The following SH2D4B variants were observed in gnomAD, a reference collection of about 807,000 sequenced individuals.
The protein encoded by SH2D4B is SH2 domain containing 4B.
Under a neutral mutation model 61.5 loss-of-function variants are expected in SH2D4B, and 45 were observed. That is an observed-to-expected ratio of 0.73 (90% confidence interval 0.58 to 0.94). The LOEUF (loss-of-function observed/expected upper bound fraction) is 0.94, where lower values mean the gene tolerates loss of function less well. Among genes scored for constraint, SH2D4B ranks in the 40% least tolerant of loss-of-function variants. The pLI is 0.00. For missense variants in SH2D4B, 572 were observed against 574.2 expected (o/e 1.00, Z 0.04); for synonymous variants, 224 against 220.4 (o/e 1.02, Z -0.14).
chr10:80,613,402 C>T (rs979001702), intron 6 of SH2D4B, among the ~76,000 whole-genome samples: 1 of 152,250 alleles, frequency 6.6e-6, no homozygotes, highest in Admixed American at 6.5e-5. Context: ...ACCCATTTCT[C>T]TTCCTGAGCT....
intron 3 of SH2D4B, among the ~76,000 whole-genome samples, chr10:80,583,875 G>A (rs1235409329): frequency 6.6e-6 from 1 of 152,124 alleles, no homozygotes; most frequent in Non-Finnish European, 1.5e-5. Flanking sequence ...CCCCCAAGTG[G>A]CCAACACAAT....
intron 4 of SH2D4B, among the ~76,000 whole-genome samples, chr10:80,599,339 T>C (rs557505056): frequency 6.6e-6 from 1 of 152,218 alleles, no homozygotes; most frequent in South Asian, 2.1e-4. Context: ...GTGCAGTTTC[T>C]CCTTGGACAT....
At chr10:80,622,346 T>C (rs17093759) in intron 6 of SH2D4B, among the ~76,000 whole-genome samples, 52,381 of 152,096 alleles carry the variant, frequency 0.34, 10,160 homozygotes, top group African/African-American at 0.52. Context: ...ATGATGATGT[T>C]ATATGTGATT....
chr10:80,609,309 C>T, intron 5 of SH2D4B, 115 bp from the exon 6 acceptor site: 1 of 1,071,648 alleles, frequency 9.3e-7, no homozygotes, highest in Non-Finnish European at 1.3e-6. Context: ...CCCCCCCTTC[C>T]TCCTCCTCCT....
At chr10:80,609,574 T>C in intron 6 of SH2D4B, 23 bp downstream of exon 6, 1 of 1,613,300 alleles carries the variant, frequency 6.2e-7, no homozygotes, top group African/African-American at 1.3e-5. Flanking sequence ...TTCTGGGCCC[T>C]GTGCCAGATG....
At position 80,591,230 on chromosome 10, in the gene SH2D4B, A is replaced by G. The variant is rs150307322; in HGVS notation, c.643+2453A>G. On this transcript the variant is annotated intron_variant, in intron 4 of 7. Transcript: ENST00000646907. The stretch of plus-strand genomic sequence containing the variant: ...TTTATGTACACGTTTTTGTGTGAAC[A>G]TATATTTTCAATTCTCTTGAGTATT... Among the ~76,000 whole-genome samples the G allele has an allele frequency of 8.2e-3, 1,242 of 152,236 alleles. 14 individuals are homozygous for G. The highest frequency in any genetic ancestry group is 0.026 in the African/African-American group (1,091 of 41,544).
intron 1 of SH2D4B, among the ~76,000 whole-genome samples, chr10:80,543,307 G>A (rs964147777): frequency 2.6e-5 from 4 of 152,086 alleles, no homozygotes; most frequent in East Asian, 1.9e-4. Flanking sequence ...CGCGAGTTCC[G>A]GGGGGCGTGG....
At chr10:80,629,036 A>AAAAAAAAAAAAAGAAAAAAAAAAAG (rs142895629) in intron 6 of SH2D4B, among the ~76,000 whole-genome samples, 1 of 144,878 alleles carries the variant, frequency 6.9e-6, no homozygotes, top group African/African-American at 2.7e-5. Context: ...TCTCAAAAAA[A>AAAAAAAAAAAAAGAAAAAAAAAAAG]AAAAAGAAAA....
intron 7 of SH2D4B, among the ~76,000 whole-genome samples, chr10:80,635,983 G>A (rs1179856161): frequency 6.6e-6 from 1 of 152,126 alleles, no homozygotes; most frequent in Non-Finnish European, 1.5e-5. Flanking sequence ...AGTGTCTGAT[G>A]TTCCCTGCCC....
intron 4 of SH2D4B, among the ~76,000 whole-genome samples, chr10:80,599,778 A>G (rs12569832): frequency 0.2 from 29,723 of 151,964 alleles, 3,204 homozygotes; most frequent in Non-Finnish European, 0.25. Context: ...CCACCAAGGG[A>G]CCATGGCTCC....
chr10:80,595,314 T>C (rs1842373340), intron 4 of SH2D4B, among the ~76,000 whole-genome samples: 1 of 152,208 alleles, frequency 6.6e-6, no homozygotes, highest in African/African-American at 2.4e-5. Context: ...AGGGACTTAC[T>C]GTTGTATTTA....
chr10:80,540,395 C>T (rs1044718249), intron 1 of SH2D4B, among the ~76,000 whole-genome samples: 2 of 152,074 alleles, frequency 1.3e-5, no homozygotes, highest in African/African-American at 2.4e-5. Context: ...GTCCTGGGGT[C>T]GTGATGAAGG....
intron 7 of SH2D4B, among the ~76,000 whole-genome samples, chr10:80,638,514 G>C (rs1163407060): frequency 1.3e-5 from 2 of 152,238 alleles, no homozygotes; most frequent in South Asian, 4.2e-4. Context: ...TTTAGTCTTG[G>C]GAGGGTGTAT....
chr10:80,640,378 A>C (rs900344765), intron 7 of SH2D4B, among the ~76,000 whole-genome samples: 2 of 152,178 alleles, frequency 1.3e-5, no homozygotes, highest in Admixed American at 6.5e-5. Context: ...TATCCTGAAG[A>C]GTGTTTTCCA....
intron 1 of SH2D4B, among the ~76,000 whole-genome samples, chr10:80,560,344 T>A (rs1231233342): frequency 6.6e-6 from 1 of 151,874 alleles, no homozygotes; most frequent in Non-Finnish European, 1.5e-5. Flanking sequence ...TTTCAATTCA[T>A]GTATAGGAAT....
At chr10:80,588,871 G>C (rs544553692) in intron 4 of SH2D4B, 94 bp downstream of exon 4, 1 of 1,464,158 alleles carries the variant, frequency 6.8e-7, no homozygotes, top group African/African-American at 1.4e-5. Context: ...ATTTCCATTC[G>C]CTCACTCACC....
chr10:80,609,632 G>A, intron 6 of SH2D4B, 81 bp downstream of exon 6: 1 of 1,599,342 alleles, frequency 6.3e-7, no homozygotes, highest in Non-Finnish European at 8.5e-7. Flanking sequence ...GGTGCTGAAG[G>A]ACAGTTATAA....
At chr10:80,571,304 T>C (rs1413297612) in intron 2 of SH2D4B, 127 bp from the exon 3 acceptor site, 2 of 1,081,624 alleles carry the variant, frequency 1.8e-6, no homozygotes, top group African/African-American at 1.6e-5. Context: ...TATTTCTCCC[T>C]GTCTTTGCCA....
intron 4 of SH2D4B, among the ~76,000 whole-genome samples, chr10:80,591,720 G>C (rs1319369196): frequency 1.3e-5 from 2 of 151,880 alleles, no homozygotes. Context: ...AGGCTGGTCT[G>C]GAACTCCTGA....
Sources: gnomAD v4.1 joint callset for allele counts (sites outside exome capture counted in the v4.1 genomes callset) on GRCh38, gnomAD v4.1.1 for gene constraint, MANE v1.5 for transcripts, NCBI Gene and HGNC (gene_info 2026-07-23, HGNC 2026-07-21) for gene names.